Variants in CCDC88C observed in about 807,000 individuals in gnomAD.
The protein encoded by CCDC88C is coiled-coil and HOOK domain protein 88C.
A neutral mutation model predicts 198.8 loss-of-function variants in CCDC88C; 131 were observed. That is an observed-to-expected ratio of 0.66 (90% confidence interval 0.57 to 0.76). The LOEUF is 0.76. Ranked by LOEUF, CCDC88C falls within the 30% of genes least tolerant of loss-of-function variation. CCDC88C has a pLI of 0.00. For synonymous variants in CCDC88C, 1,166 were observed against 1,114.7 expected, an observed-to-expected ratio of 1.05 and a Z score of -0.92; for missense variants, 2,553 against 2,631.6, an observed-to-expected ratio of 0.97 and a Z score of 0.65.
chr14:91,316,424 A>AT (rs1449950357), intron 13 of CCDC88C, among the ~76,000 whole-genome samples: 2 of 146,660 alleles, frequency 1.4e-5, no homozygotes, highest in East Asian at 2.0e-4. Context: ...TTCTGACTCA[A>AT]CCTTTTTTTT....
intron 3 of CCDC88C, among the ~76,000 whole-genome samples, chr14:91,393,045 G>A (rs961106818): frequency 5.9e-5 from 9 of 152,166 alleles, no homozygotes; most frequent in African/African-American, 1.7e-4. Context: ...AGACAGTACC[G>A]GAGTCCGCTC....
chr14:91,287,362 T>G (rs1219452729), intron 25 of CCDC88C, among the ~76,000 whole-genome samples: 1 of 152,196 alleles, frequency 6.6e-6, no homozygotes, highest in African/African-American at 2.4e-5. Context: ...GAACATTATT[T>G]TTGTTAGAGA....
intron 3 of CCDC88C, among the ~76,000 whole-genome samples, chr14:91,407,218 G>A (rs1886544110): frequency 6.6e-6 from 1 of 152,152 alleles, no homozygotes; most frequent in Admixed American, 6.5e-5. Flanking sequence ...ACAGGAACTG[G>A]GCCCAGCACA....
chr14:91,281,365 T>TC, intron 27 of CCDC88C, 92 bp downstream of exon 27: 2 of 1,593,828 alleles, frequency 1.3e-6, no homozygotes, highest in Non-Finnish European at 1.7e-6. Context: ...GGTGTTGGAC[T>TC]CCCGTACAGG....
intron 2 of CCDC88C, among the ~76,000 whole-genome samples, chr14:91,412,672 T>G (rs1374269783): frequency 6.6e-6 from 1 of 152,166 alleles, no homozygotes; most frequent in Non-Finnish European, 1.5e-5. Context: ...CCTGACCTTG[T>G]GATCCGCCCA....
At position 91,293,548 on chromosome 14, in the gene CCDC88C, C is replaced by CCATCCTCACG. The variant is rs1567055843; in HGVS notation, c.4112+624_4112+625insCGTGAGGATG. 4.6e-4 allele frequency among the ~76,000 whole-genome samples: 15 copies of CCATCCTCACG among 32,770 alleles called. 3 individuals are homozygous for CCATCCTCACG. The South Asian group carries it at 4.9e-3, about 11-fold the overall frequency. The allele number at this position is 32,770 out of a possible 152,430, so 21.5% of individuals were successfully genotyped here. On this transcript the variant is annotated intron_variant, in intron 23 of 29. Coordinates refer to ENST00000389857, the MANE Select transcript of CCDC88C (RefSeq NM_001080414.4). ...CCCTCACCTGCCACGGCCCACCTTC[C>CCATCCTCACG]TGTCCCCTCGCCTGCCACGGCCCAC... is the stretch of plus-strand genomic sequence containing the variant.
intron 15 of CCDC88C, among the ~76,000 whole-genome samples, chr14:91,312,274 A>G (rs1891862533): frequency 6.6e-6 from 1 of 152,064 alleles, no homozygotes; most frequent in East Asian, 1.9e-4. Context: ...CTGTAATCCC[A>G]ATACTTAGGA....
intron 24 of CCDC88C, 58 bp downstream of exon 24, chr14:91,290,937 C>A: frequency 9.4e-7 from 1 of 1,064,280 alleles, no homozygotes; most frequent in African/African-American, 1.6e-5. Context: ...TCACCCTGTG[C>A]ACAGAAAAGG....
At position 91,343,584 on chromosome 14, in the gene CCDC88C, C is replaced by G; in HGVS notation, c.399+15G>C. 1.2e-6 allele frequency: 2 copies of G among 1,613,630 alleles called. No homozygotes were observed. Among genetic ancestry groups the G allele is most frequent in the South Asian group, 2.2e-5 (2 of 91,072 alleles). On this transcript the variant is annotated intron_variant, in intron 5 of 29. Coordinates refer to ENST00000389857, the MANE Select transcript of CCDC88C (RefSeq NM_001080414.4). Reference sequence around the variant, plus strand: ...TGGGGTAGGTCCCTCTGCTGCAGCCCTGCCCAATCCCTACCTGGACAGCAC... The same window carrying G: ...TGGGGTAGGTCCCTCTGCTGCAGCCGTGCCCAATCCCTACCTGGACAGCAC...
intron 3 of CCDC88C, chr14:91,384,313 CT>C (rs1884993572): frequency 7.0e-6 from 2 of 287,132 alleles, no homozygotes; most frequent in Non-Finnish European, 1.4e-5. Flanking sequence ...TTATTTTAGG[CT>C]GCAAAAACAA....
intron 29 of CCDC88C, among the ~76,000 whole-genome samples, chr14:91,276,110 G>A (rs1266116772): frequency 7.9e-5 from 12 of 151,922 alleles, no homozygotes; most frequent in Admixed American, 2.6e-4. Context: ...GTGAGCCACC[G>A]CGCCCGGCCA....
chr14:91,307,295 G>A, intron 17 of CCDC88C, 69 bp from the exon 18 acceptor site: 1 of 1,422,118 alleles, frequency 7.0e-7, no homozygotes, highest in Non-Finnish European at 9.8e-7. Context: ...CGAGTGAGTG[G>A]CTGAGGGCAA....
At chr14:91,350,700 C>T (rs939772663) in intron 4 of CCDC88C, among the ~76,000 whole-genome samples, 2 of 152,102 alleles carry the variant, frequency 1.3e-5, no homozygotes, top group Admixed American at 6.5e-5. Context: ...AACTCAGCTC[C>T]CCACAACCAC....
intron 3 of CCDC88C, among the ~76,000 whole-genome samples, chr14:91,368,073 G>A (rs1567102495): frequency 6.6e-6 from 1 of 152,118 alleles, no homozygotes; most frequent in Non-Finnish European, 1.5e-5. Flanking sequence ...GTGACAGTTG[G>A]GAAAATTAAA....
At position 91,305,921 on chromosome 14, in the gene CCDC88C, T is replaced by TGCATTCTA. The variant is rs781530400; in HGVS notation, c.3196-3_3200dup (p.Ala1068ArgfsTer12). The TGCATTCTA allele has an allele frequency of 1.9e-6, 3 of 1,613,008 alleles. No individual in the cohort carries two copies. Among genetic ancestry groups the TGCATTCTA allele is most frequent in the African/African-American group, 1.3e-5 (1 of 74,936 alleles). On this transcript the variant is annotated frameshift_variant, in exon 19 of 30. Coordinates refer to ENST00000389857, the MANE Select transcript of CCDC88C (RefSeq NM_001080414.4). LOFTEE classifies it high-confidence loss of function. ...GCAGCTGCTTCTCAGCCTGCAGAGC[T>TGCATTCTA]GCATTCTAGAAGATCGGGAGGCATG...
intron 23 of CCDC88C, among the ~76,000 whole-genome samples, chr14:91,293,217 G>A (rs77277542): frequency 0.011 from 273 of 23,954 alleles, no homozygotes; most frequent in Middle Eastern, 0.067. Flanking sequence ...CACCTGCCAC[G>A]GCCCACCTTC....
chr14:91,337,652 C>T (rs775369336), intron 10 of CCDC88C, among the ~76,000 whole-genome samples: 3 of 152,354 alleles, frequency 2.0e-5, no homozygotes, highest in East Asian at 1.9e-4. Flanking sequence ...CCCGTTATTC[C>T]CACAGATGAG....
intron 3 of CCDC88C, among the ~76,000 whole-genome samples, chr14:91,386,396 G>A (rs183744034): frequency 0.011 from 1,696 of 152,120 alleles, 114 homozygotes; most frequent in Admixed American, 0.1. Flanking sequence ...AGAAGGCAGA[G>A]GTTGCAGTGA....
intron 3 of CCDC88C, among the ~76,000 whole-genome samples, chr14:91,373,481 C>G (rs1287046472): frequency 1.3e-5 from 2 of 152,184 alleles, no homozygotes; most frequent in Non-Finnish European, 2.9e-5. Flanking sequence ...GTAATTACCC[C>G]TCCTTAGCCC....
Sources: gnomAD v4.1 joint callset for allele counts (sites outside exome capture counted in the v4.1 genomes callset) on GRCh38, gnomAD v4.1.1 for gene constraint, MANE v1.5 for transcripts, NCBI Gene and HGNC (gene_info 2026-07-23, HGNC 2026-07-21) for gene names.